BMPR1A: variants seen among roughly 807,000 people sequenced by gnomAD.
BMPR1A encodes the protein bone morphogenetic protein receptor type-1A.
BMPR1A carries 7 observed loss-of-function variants against 66.0 expected under a neutral mutation model. That is an observed-to-expected ratio of 0.11 (90% CI 0.06 to 0.20). BMPR1A has a LOEUF of 0.20. Among genes scored for constraint, BMPR1A ranks in the 10% least tolerant of loss-of-function variants. The pLI is 1.00. For missense variants in BMPR1A, 408 were observed against 669.1 expected (o/e 0.61, Z 4.31); for synonymous variants, 200 against 229.7 (o/e 0.87, Z 1.17).
At chr10:86,852,426 C>T (rs1485118198) in intron 2 of BMPR1A, among the ~76,000 whole-genome samples, 4 of 152,158 alleles carry the variant, frequency 2.6e-5, no homozygotes, top group Admixed American at 6.5e-5. Context: ...AAAATTAGCC[C>T]GGCACAGTGG....
chr10:86,773,877 A>G (rs1365143835), intron 1 of BMPR1A, among the ~76,000 whole-genome samples: 3 of 147,224 alleles, frequency 2.0e-5, no homozygotes, highest in Non-Finnish European at 3.0e-5. Flanking sequence ...TTTGAGACAG[A>G]GTCTTACTCT....
At chr10:86,832,250 G>A (rs1043320980) in intron 1 of BMPR1A, among the ~76,000 whole-genome samples, 12 of 152,108 alleles carry the variant, frequency 7.9e-5, no homozygotes, top group East Asian at 3.9e-4. Context: ...GTTGGATCAC[G>A]AGGTCAGGAA....
intron 1 of BMPR1A, among the ~76,000 whole-genome samples, chr10:86,815,729 G>C (rs1423144132): frequency 1.3e-5 from 2 of 152,160 alleles, no homozygotes; most frequent in African/African-American, 4.8e-5. Flanking sequence ...CCACCCACGC[G>C]GCCAAGTGCC....
At chr10:86,917,350 A>G (rs966824629) in intron 9 of BMPR1A, 24 bp downstream of exon 9, 3 of 1,613,588 alleles carry the variant, frequency 1.9e-6, no homozygotes, top group Non-Finnish European at 2.5e-6. Context: ...GATTCAGTCA[A>G]TTTCATTTTT....
At chr10:86,790,746 G>A (rs1256530554) in intron 1 of BMPR1A, among the ~76,000 whole-genome samples, 1 of 152,148 alleles carries the variant, frequency 6.6e-6, no homozygotes, top group Non-Finnish European at 1.5e-5. Flanking sequence ...GAAAAGGTAA[G>A]TCCACAGAGA....
rs1165257242 is a variant in BMPR1A, at chr10:86,919,042, G to T, written c.869-130G>T. On this transcript the variant is annotated intron_variant, in intron 9 of 12. Coordinates refer to ENST00000372037, the MANE Select transcript of BMPR1A (RefSeq NM_004329.3). ...TTTTTAGTAACACATTCACGACTTG[G>T]TGTCAGGCGAATTAAAGTTTCACTA... 4.3e-6 allele frequency: 4 copies of T among 925,830 alleles called. No individual in the cohort carries two copies. The African/African-American group carries it at 4.9e-5, about 11-fold the overall frequency. The allele number at this position is 925,830 out of a possible 1,614,324, so 57.4% of individuals were successfully genotyped here. A position where few individuals can be genotyped will look rare whatever the true frequency, so the allele number is the denominator to read the frequency against.
At chr10:86,918,268 T>C (rs911929710) in intron 9 of BMPR1A, among the ~76,000 whole-genome samples, 2 of 151,984 alleles carry the variant, frequency 1.3e-5, no homozygotes, top group African/African-American at 4.9e-5. Context: ...GTCACGTTTA[T>C]AGATGACATG....
chr10:86,836,999 G>A (rs1377425321), intron 1 of BMPR1A, among the ~76,000 whole-genome samples: 1 of 152,156 alleles, frequency 6.6e-6, no homozygotes, highest in Non-Finnish European at 1.5e-5. Context: ...GGGAAAACAG[G>A]GAAGAACAGA....
intron 3 of BMPR1A, among the ~76,000 whole-genome samples, chr10:86,885,542 A>C (rs1843057774): frequency 6.6e-6 from 1 of 152,208 alleles, no homozygotes; most frequent in South Asian, 2.1e-4. Context: ...ATTCGTCTAC[A>C]TTTTAAGTCA....
intron 8 of BMPR1A, among the ~76,000 whole-genome samples, chr10:86,914,127 AAAAC>A (rs921118742): frequency 1.3e-5 from 2 of 152,080 alleles, no homozygotes; most frequent in African/African-American, 4.8e-5. Context: ...TAAAAAAAAA[AAAAC>A]AAAAAGATGC....
At chr10:86,837,840 C>T (rs563562523) in intron 1 of BMPR1A, among the ~76,000 whole-genome samples, 1 of 152,326 alleles carries the variant, frequency 6.6e-6, no homozygotes, top group African/African-American at 2.4e-5. Context: ...ATACAGCAGC[C>T]TGTCTGCTGA....
chr10:86,906,031 G>A (rs1031715191), intron 7 of BMPR1A, among the ~76,000 whole-genome samples: 7 of 152,122 alleles, frequency 4.6e-5, no homozygotes, highest in Admixed American at 2.0e-4. Context: ...TCTGCCTGAA[G>A]AATTTCTTTA....
intron 1 of BMPR1A, among the ~76,000 whole-genome samples, chr10:86,800,542 C>T (rs1167110485): frequency 6.6e-6 from 1 of 152,170 alleles, no homozygotes; most frequent in Non-Finnish European, 1.5e-5. Flanking sequence ...CAGGCTTCCG[C>T]CACCATGCCC....
intron 1 of BMPR1A, among the ~76,000 whole-genome samples, chr10:86,790,023 G>T (rs182680378): frequency 6.7e-6 from 1 of 149,800 alleles, no homozygotes; most frequent in Admixed American, 6.7e-5. Context: ...GGGCGTGGTG[G>T]CAGGTTCCTG....
chr10:86,903,546 G>A (rs560018258), intron 7 of BMPR1A, among the ~76,000 whole-genome samples: 21 of 151,880 alleles, frequency 1.4e-4, no homozygotes, highest in African/African-American at 3.9e-4. Flanking sequence ...GAGGAGGGAC[G>A]AAAAACATAC....
intron 8 of BMPR1A, among the ~76,000 whole-genome samples, chr10:86,914,540 A>C (rs1188154049): frequency 6.6e-6 from 1 of 152,222 alleles, no homozygotes; most frequent in Non-Finnish European, 1.5e-5. Context: ...AAGATAACCC[A>C]ATTTTTTTAA....
intron 1 of BMPR1A, among the ~76,000 whole-genome samples, chr10:86,759,956 T>C (rs1841009550): frequency 6.8e-6 from 1 of 147,316 alleles, no homozygotes; most frequent in African/African-American, 2.5e-5. Flanking sequence ...CACGTAGTTC[T>C]CCCCCCACCA....
intron 8 of BMPR1A, among the ~76,000 whole-genome samples, chr10:86,915,819 CATT>C (rs1843560652): frequency 6.6e-6 from 1 of 152,150 alleles, no homozygotes; most frequent in African/African-American, 2.4e-5. Context: ...ATTTTAGAAG[CATT>C]TCCAACTTGG....
intron 2 of BMPR1A, among the ~76,000 whole-genome samples, chr10:86,870,545 C>A (rs1374360903): frequency 6.6e-6 from 1 of 152,010 alleles, no homozygotes; most frequent in Non-Finnish European, 1.5e-5. Flanking sequence ...ACCTCAGCCT[C>A]CCTAGTGTCT....
Sources: gnomAD v4.1 joint callset for allele counts (sites outside exome capture counted in the v4.1 genomes callset) on GRCh38, gnomAD v4.1.1 for gene constraint, MANE v1.5 for transcripts, NCBI Gene and HGNC (gene_info 2026-07-23, HGNC 2026-07-21) for gene names.